E2F5: variants seen among roughly 807,000 people sequenced by gnomAD.
E2F5 encodes transcription factor E2F5.
A neutral mutation model predicts 39.1 loss-of-function variants in E2F5; 23 were observed. The ratio of observed to expected loss-of-function variants is 0.59; its 90% confidence interval spans 0.42 to 0.83. The LOEUF (loss-of-function observed/expected upper bound fraction) is 0.83, where lower values mean the gene tolerates loss of function less well. Among genes scored for constraint, E2F5 ranks in the 40% least tolerant of loss-of-function variants. The pLI is 0.00. For synonymous variants in E2F5, 145 were observed against 157.8 expected, an observed-to-expected ratio of 0.92 and a Z score of 0.61; for missense variants, 365 against 406.7, an observed-to-expected ratio of 0.90 and a Z score of 0.88.
rs1286361428 is a variant in E2F5 at position 85,214,128 on chromosome 8, A to G, written c.*266A>G. On this transcript the variant is annotated 3_prime_UTR_variant, in exon 8 of 8. Transcript: ENST00000416274. ...TATTCTGGATTTCAACTTTTCTTCT[A>G]ATTGTGAATCCTTCTGTTTTTTCTT... The G allele has an allele frequency of 1.8e-6, 1 of 554,394 alleles. No homozygotes were observed. The allele number at this position is 554,394 out of a possible 1,614,324, so 34.3% of individuals were successfully genotyped here.
intron 1 of E2F5, among the ~76,000 whole-genome samples, chr8:85,184,970 T>C (rs1023443527): frequency 1.3e-5 from 2 of 152,170 alleles, no homozygotes; most frequent in African/African-American, 4.8e-5. Flanking sequence ...GCTATCCCTA[T>C]CAAGCTACCA....
rs558020953 is a variant in E2F5 at position 85,177,703 on chromosome 8, C to T, written c.234+49C>T. ...GGGCGGACTTCGGAACCCGTGGCCC[C>T]CGGGGAAGCCCAGCCCCTCGCCGCG... is the stretch of plus-strand genomic sequence containing the variant. On this transcript the variant is annotated intron_variant, in intron 1 of 7. Coordinates refer to ENST00000416274, the MANE Select transcript of E2F5 (RefSeq NM_001951.4). The T allele has an allele frequency of 8.2e-6, 10 of 1,217,570 alleles. No homozygotes were observed. In the South Asian group the frequency reaches 3.5e-4, roughly 43 times the overall value. 75.4% of individuals were successfully genotyped at this position (1,217,570 alleles called of 1,614,324 possible).
In E2F5 at chr8:85,185,574, C is replaced by G. The variant is rs185387666; in HGVS notation, c.234+7920C>G. On this transcript the variant is annotated intron_variant, in intron 1 of 7. Coordinates refer to ENST00000416274, the MANE Select transcript of E2F5 (RefSeq NM_001951.4). ...AAGAAACTATCATCAGAATGAACAGCCAGCCTATAGAATGGGAGAAGATCT... is the reference window on the plus strand; with the variant it reads ...AAGAAACTATCATCAGAATGAACAGGCAGCCTATAGAATGGGAGAAGATCT... Among the ~76,000 whole-genome samples, 849 of 152,214 alleles carry G rather than the reference C, an allele frequency of 5.6e-3. 2 individuals are homozygous for G. The highest frequency in any genetic ancestry group is 0.011 in the South Asian group (53 of 4,826).
At chr8:85,205,601 C>T (rs1812787693) in intron 3 of E2F5, among the ~76,000 whole-genome samples, 1 of 152,138 alleles carries the variant, frequency 6.6e-6, no homozygotes, top group Non-Finnish European at 1.5e-5. Flanking sequence ...TTTCTTTTCC[C>T]AAGGAAACCC....
In E2F5 at chr8:85,177,474, G is replaced by GCAGGGC. The variant is rs1161508323; in HGVS notation, c.58_63dup (p.Gly20_Gln21dup). 1.3e-5 allele frequency: 13 copies of GCAGGGC among 1,013,706 alleles called. No homozygotes were observed. The Admixed American group carries it at 1.8e-4, about 14-fold the overall frequency. 62.8% of individuals were successfully genotyped at this position (1,013,706 alleles called of 1,614,324 possible). ...GCCAGCAGGCGCCGGCAGGGCAGGG[G>GCAGGGC]CAGGGCCAGCGGCCGCCGCCGCAGC... On this transcript the variant is annotated inframe_insertion, in exon 1 of 8. Coordinates refer to ENST00000416274, the MANE Select transcript of E2F5 (RefSeq NM_001951.4).
In E2F5 at chr8:85,209,288, C is replaced by A; in HGVS notation, c.762C>A (p.Ser254=). Residue 254 remains serine, a synonymous_variant, in exon 6 of 8, where the codon TCC becomes TCA. Transcript: ENST00000416274. ...CTGATGACCTCACACAGCCTTCCTC[C>A]CAGTCCTTGACTCCAGTGACTCCAC... The part of the protein sequence containing the change: ...PPPDDLTQPS[S]QSLTPVTPQK... 1 of 1,613,990 alleles carries A rather than the reference C, an allele frequency of 6.2e-7. No individual in the cohort carries two copies. Among genetic ancestry groups the A allele is most frequent in the South Asian group, 1.1e-5 (1 of 91,084 alleles).
chr8:85,204,924 G>T (rs762362469), intron 3 of E2F5, among the ~76,000 whole-genome samples: 1 of 152,288 alleles, frequency 6.6e-6, no homozygotes, highest in Non-Finnish European at 1.5e-5. Context: ...AGTGGCTCAC[G>T]CCTGTAATCC....
chr8:85,188,205 ATACTT>A (rs1393724074), intron 1 of E2F5, among the ~76,000 whole-genome samples: 2 of 152,110 alleles, frequency 1.3e-5, no homozygotes, highest in South Asian at 2.1e-4. Flanking sequence ...AAAATCCAGA[ATACTT>A]TAATTCTGTG....
intron 1 of E2F5, among the ~76,000 whole-genome samples, chr8:85,199,427 A>G (rs1197902784): frequency 6.6e-6 from 1 of 152,140 alleles, no homozygotes; most frequent in African/African-American, 2.4e-5. Context: ...TATATTATTA[A>G]CTTCCCTCTC....
chr8:85,184,721 AACAG>A (rs1427661590), intron 1 of E2F5, among the ~76,000 whole-genome samples: 4 of 152,180 alleles, frequency 2.6e-5, no homozygotes, highest in Non-Finnish European at 2.9e-5. Flanking sequence ...ATACACCAGT[AACAG>A]ACAAAGAGCC....
intron 1 of E2F5, among the ~76,000 whole-genome samples, chr8:85,187,373 C>T (rs1366598721): frequency 1.3e-5 from 2 of 152,210 alleles, no homozygotes; most frequent in African/African-American, 4.8e-5. Context: ...CTGTCCATTA[C>T]TGAAAGTGGG....
chr8:85,197,667 T>A (rs1159920934), intron 1 of E2F5, among the ~76,000 whole-genome samples: 1 of 152,244 alleles, frequency 6.6e-6, no homozygotes, highest in East Asian at 1.9e-4. Context: ...TGAGTTAATG[T>A]GATACAATTA....
chr8:85,211,116 G>T (rs1812909759), intron 6 of E2F5, among the ~76,000 whole-genome samples: 1 of 151,710 alleles, frequency 6.6e-6, no homozygotes, highest in Admixed American at 6.6e-5. Context: ...AAGTGTGGTG[G>T]GGCTCATGCC....
intron 1 of E2F5, among the ~76,000 whole-genome samples, chr8:85,180,996 G>C (rs1386861830): frequency 2.0e-5 from 3 of 151,970 alleles, no homozygotes; most frequent in Non-Finnish European, 2.9e-5. Flanking sequence ...TCCTGCCTCA[G>C]CCTACCAAGT....
Position 85,200,400 on chromosome 8 carries a change from ATGT to A in E2F5, c.235-1743_235-1741del, listed in dbSNP as rs1812671281. 1.4e-5 allele frequency: 8 copies of A among 590,222 alleles called. No homozygotes were observed. In the South Asian group the frequency reaches 6.0e-4, roughly 44 times the overall value. 36.6% of individuals were successfully genotyped at this position (590,222 alleles called of 1,614,324 possible). On this transcript the variant is annotated intron_variant, in intron 1 of 7. Transcript: ENST00000416274. ...TTTAGTTTTAGAAACTAGGGGTTAA[ATGT>A]TGTGATTGTTAAGCAGTAATAAATA...
At chr8:85,212,869 AAC>A (rs1812968441) in intron 7 of E2F5, 2 of 150,336 alleles carry the variant, frequency 1.3e-5, no homozygotes, top group South Asian at 4.2e-4. Context: ...TGGAAAACAA[AAC>A]ACTTTCATTA....
At position 85,206,202 on chromosome 8, in the gene E2F5, A is replaced by G. The variant is rs771408068; in HGVS notation, c.532A>G (p.Ile178Val). ...ATTTTCCTATGTAACTCATGAAGAC[A>G]TCTGTAATTGCTTTAATGGTAAGTA... is the stretch of plus-strand genomic sequence containing the variant. ...NRFSYVTHED[I>V]CNCFNGDTLL... Residue 178 changes from isoleucine (I) to valine (V), a missense_variant, in exon 4 of 8, where the codon ATC (isoleucine) becomes GTC (valine). Coordinates refer to ENST00000416274, the MANE Select transcript of E2F5 (RefSeq NM_001951.4). 1.4e-5 allele frequency: 23 copies of G among 1,613,222 alleles called. No homozygotes were observed. Among genetic ancestry groups the G allele is most frequent in the Non-Finnish European group, 1.7e-5 (20 of 1,179,658 alleles).
Position 85,209,401 on chromosome 8 carries a change from T to C in E2F5, c.875T>C (p.Ile292Thr), listed in dbSNP as rs187526876. ...QALQQTSATDISSAGSISGDI... is the reference protein window; with the variant it reads ...QALQQTSATDTSSAGSISGDI... The stretch of plus-strand genomic sequence containing the variant: ...CTGCAGCAGACATCAGCTACAGATA[T>C]ATCTTCAGGTGGGTTCAGAGCCTTT... Residue 292 changes from isoleucine to threonine, a missense_variant, in exon 6 of 8, where the codon ATA (isoleucine) becomes ACA (threonine). By Grantham distance (89) the Ile-to-Thr change is moderately conservative (BLOSUM62 -1). Transcript: ENST00000416274. 4.9e-4 allele frequency: 787 copies of C among 1,607,508 alleles called. 2 individuals carry two copies. The African/African-American group carries it at 6.5e-3, about 13-fold the overall frequency.
Position 85,202,130 on chromosome 8 carries a change from T to C in E2F5, c.235-17T>C. The C allele has an allele frequency of 6.2e-7, 1 of 1,601,540 alleles. No homozygotes were observed. The highest frequency in any genetic ancestry group is 8.5e-7 in the Non-Finnish European group (1 of 1,170,676). On this transcript the variant is annotated splice_polypyrimidine_tract_variant and intron_variant, in intron 1 of 7. Transcript: ENST00000416274. ...CTTGCCCTTTATTTCACTGTTCTCG[T>C]TGTCTTTCCTGAACAGGCTGCTGAT...
Sources: gnomAD v4.1 joint callset for allele counts (sites outside exome capture counted in the v4.1 genomes callset) on GRCh38, gnomAD v4.1.1 for gene constraint, MANE v1.5 for transcripts, NCBI Gene and HGNC (gene_info 2026-07-23, HGNC 2026-07-21) for gene names.